Variants in AGBL1 observed in about 807,000 individuals in gnomAD.
AGBL1 encodes the protein cytosolic carboxypeptidase 4.
A neutral mutation model predicts 118.9 loss-of-function variants in AGBL1; 130 were observed. The ratio of observed to expected loss-of-function variants is 1.09; its 90% confidence interval spans 0.95 to 1.26. The LOEUF (loss-of-function observed/expected upper bound fraction) is 1.26, where lower values mean the gene tolerates loss of function less well. Ranked by LOEUF, AGBL1 falls within the 50% of genes most tolerant of loss-of-function variation. The pLI is 0.00. For missense variants in AGBL1, 1,584 were observed against 1,298.1 expected (o/e 1.22, Z -3.38); for synonymous variants, 555 against 478.9 (o/e 1.16, Z -2.08).
chr15:86,424,174 T>C (rs1156380451), intron 18 of AGBL1, among the ~76,000 whole-genome samples: 2 of 152,064 alleles, frequency 1.3e-5, no homozygotes, highest in African/African-American at 4.8e-5. Flanking sequence ...GTAATGGTAC[T>C]GGTACCAAAG....
chr15:86,971,897 A>AG (rs1379379571), intron 23 of AGBL1, among the ~76,000 whole-genome samples: 4 of 151,834 alleles, frequency 2.6e-5, no homozygotes, highest in African/African-American at 9.7e-5. Flanking sequence ...AGTTCTCAGG[A>AG]GATCTAATGG....
rs1378433840 is a variant in AGBL1, at chr15:86,717,696, ATCTT to A, written c.3158+43262_3158+43265del. The stretch of plus-strand genomic sequence containing the variant: ...CCTCTGATTAATCTGGACTTCAGGG[ATCTT>A]TGTTTTTTGCCCCATTGATACCTCC... On this transcript the variant is annotated intron_variant, in intron 22 of 22. Transcript: ENST00000614907. 3.1e-5 allele frequency among the ~76,000 whole-genome samples: 4 copies of A among 129,354 alleles called. No individual in the cohort carries two copies. In the South Asian group the frequency reaches 7.2e-4, roughly 23 times the overall value. 84.9% of individuals were successfully genotyped at this position (129,354 alleles called of 152,430 possible). A position where few individuals can be genotyped will look rare whatever the true frequency, so the allele number is the denominator to read the frequency against.
chr15:86,639,637 C>T (rs770551828), intron 21 of AGBL1, among the ~76,000 whole-genome samples: 30 of 152,238 alleles, frequency 2.0e-4, no homozygotes, highest in Non-Finnish European at 3.2e-4. Flanking sequence ...TACAGCTTCC[C>T]GGGTCTCTTG....
At chr15:86,825,386 G>GGAAAAAAAAAAAAAAAAA in intron 22 of AGBL1, among the ~76,000 whole-genome samples, 1 of 2,642 alleles carries the variant, frequency 3.8e-4, no homozygotes, top group Non-Finnish European at 6.4e-4. Context: ...GGTAGAAACT[G>GGAAAAAAAAAAAAAAAAA]TAAAAAAAAA....
intron 21 of AGBL1, among the ~76,000 whole-genome samples, chr15:86,673,919 GA>G (rs529295362): frequency 6.6e-6 from 1 of 152,294 alleles, no homozygotes; most frequent in African/African-American, 2.4e-5. Context: ...TTTCAGAAGT[GA>G]AAAAAAACCC....
intron 17 of AGBL1, among the ~76,000 whole-genome samples, chr15:86,300,863 C>T (rs2079733943): frequency 6.6e-6 from 1 of 152,184 alleles, no homozygotes; most frequent in Admixed American, 6.5e-5. Context: ...AAGACAATAG[C>T]TGTTCTCAGA....
chr15:86,474,361 C>G (rs2082523038), intron 18 of AGBL1, among the ~76,000 whole-genome samples: 1 of 152,212 alleles, frequency 6.6e-6, no homozygotes, highest in African/African-American at 2.4e-5. Flanking sequence ...CCTGGAAAAT[C>G]AGGTCACTCC....
chr15:86,918,794 T>C (rs1241711184), downstream of AGBL1, among the ~76,000 whole-genome samples: 2 of 152,154 alleles, frequency 1.3e-5, no homozygotes, highest in Non-Finnish European at 2.9e-5. Flanking sequence ...AGAGCAACAT[T>C]TTTAAAGATG....
chr15:86,648,838 T>G (rs1381363398), intron 21 of AGBL1, among the ~76,000 whole-genome samples: 2 of 151,988 alleles, frequency 1.3e-5, no homozygotes, highest in Non-Finnish European at 2.9e-5. Flanking sequence ...AGATGAGGAG[T>G]AAGAACTGGC....
chr15:86,582,040 G>A (rs190293475), intron 21 of AGBL1, among the ~76,000 whole-genome samples: 81 of 152,190 alleles, frequency 5.3e-4, no homozygotes, highest in Admixed American at 3.4e-3. Flanking sequence ...TGGTAGTAGA[G>A]GCTGACATTG....
chr15:86,180,693 C>T (rs1034685917), intron 5 of AGBL1, among the ~76,000 whole-genome samples: 6 of 152,030 alleles, frequency 3.9e-5, no homozygotes, highest in African/African-American at 1.4e-4. Flanking sequence ...ATATTAAAAA[C>T]TTCTGTAGCT....
At chr15:86,436,855 T>A (rs2082006429) in intron 18 of AGBL1, among the ~76,000 whole-genome samples, 1 of 152,158 alleles carries the variant, frequency 6.6e-6, no homozygotes. Context: ...TTCTGGAAAA[T>A]AACTACAGGG....
At chr15:86,099,462 T>A (rs981096692) in intron 1 of AGBL1, among the ~76,000 whole-genome samples, 2 of 151,912 alleles carry the variant, frequency 1.3e-5, no homozygotes, top group Non-Finnish European at 2.9e-5. Flanking sequence ...TTTGGTGGAG[T>A]TTTTTGGCTT....
At chr15:86,469,595 C>A (rs1305740296) in intron 18 of AGBL1, among the ~76,000 whole-genome samples, 2 of 151,970 alleles carry the variant, frequency 1.3e-5, no homozygotes, top group Non-Finnish European at 2.9e-5. Flanking sequence ...TGGATATGTA[C>A]CCAGAAGGGG....
intron 17 of AGBL1, among the ~76,000 whole-genome samples, chr15:86,340,913 G>A (rs1253927420): frequency 1.3e-5 from 2 of 152,190 alleles, no homozygotes; most frequent in Non-Finnish European, 2.9e-5. Flanking sequence ...GCAAGGTGCA[G>A]ACCACTACTC....
Position 86,911,566 on chromosome 15 carries a change from C to T in AGBL1, c.*4272C>T, listed in dbSNP as rs993415635. 6.6e-6 allele frequency: 1 copy of T among 152,196 alleles called. No individual in the cohort carries two copies. The highest frequency in any genetic ancestry group is 2.1e-4 in the South Asian group (1 of 4,830). 9.4% of individuals were successfully genotyped at this position (152,196 alleles called of 1,614,324 possible). On this transcript the variant is annotated 3_prime_UTR_variant, in exon 23 of 23. Coordinates refer to ENST00000614907, the MANE Select transcript of AGBL1 (RefSeq NM_001386094.1). ...CTCTTTGATTTGCCACAGAACATAC[C>T]CTCTTTCTCTCTCATCGCACTTATG...
chr15:86,870,454 C>CAAAAAAAAAAAAAAAAAAAAAAAAA lies in AGBL1; in HGVS notation c.3159-36615_3159-36591dup, dbSNP rs770556494. ...GGCAAGAAAAAAGTAAAGCATACTG[C>CAAAAAAAAAAAAAAAAAAAAAAAAA]AAAAAAAAAAAAAAAAAAAAAAAAA... On this transcript the variant is annotated intron_variant, in intron 22 of 22. Coordinates refer to ENST00000614907, the MANE Select transcript of AGBL1 (RefSeq NM_001386094.1). 6.9e-4 allele frequency among the ~76,000 whole-genome samples: 44 copies of CAAAAAAAAAAAAAAAAAAAAAAAAA among 64,110 alleles called. 7 individuals carry two copies. Among genetic ancestry groups the CAAAAAAAAAAAAAAAAAAAAAAAAA allele is most frequent in the South Asian group, 1.4e-3 (2 of 1,470 alleles). The allele number at this position is 64,110 out of a possible 152,430, so 42.1% of individuals were successfully genotyped here.
At chr15:86,431,403 CAG>C (rs1271133207) in intron 18 of AGBL1, among the ~76,000 whole-genome samples, 1 of 152,192 alleles carries the variant, frequency 6.6e-6, no homozygotes, top group Non-Finnish European at 1.5e-5. Flanking sequence ...GTGCTAAGCA[CAG>C]GGCACATAAT....
At chr15:86,355,767 G>C (rs1193722366) in intron 17 of AGBL1, among the ~76,000 whole-genome samples, 1 of 152,158 alleles carries the variant, frequency 6.6e-6, no homozygotes, top group South Asian at 2.1e-4. Flanking sequence ...GGGGGCATGA[G>C]GCTTTGGTTT....
Sources: allele counts gnomAD v4.1 joint callset (sites outside exome capture counted in the v4.1 genomes callset), GRCh38; gene constraint gnomAD v4.1.1; transcripts MANE v1.5; gene names NCBI Gene and HGNC (gene_info 2026-07-23, HGNC 2026-07-21).